TENT5D: variants seen among roughly 807,000 people sequenced by gnomAD.
The protein encoded by TENT5D is terminal nucleotidyltransferase 5D, also known as cancer/testis antigen 112.
For missense variants in TENT5D, 191 were observed against 287.0 expected (o/e 0.67, Z 2.42); for synonymous variants, 103 against 100.6 (o/e 1.02, Z -0.15).
chrX:80,358,232 T>C (rs1930329388), intron 3 of TENT5D, among the ~76,000 whole-genome samples: 1 of 111,053 alleles, frequency 9.0e-6, no homozygotes, highest in South Asian at 3.8e-4. Flanking sequence ...ACCTAGGCAA[T>C]ACCATTCAGG....
Position 80,385,768 on chromosome X carries a change from G to C in TENT5D, c.-142+43204G>C, listed in dbSNP as rs891630641. ...CCATCAACAAGTGGGTGAAGGATAT[G>C]AACAGACACTTCTCAAAAGAAGACA... On this transcript the variant is annotated intron_variant, in intron 3 of 4. Transcript: ENST00000538312. Among the ~76,000 whole-genome samples the C allele has an allele frequency of 8.0e-5, 9 of 112,226 alleles. No individual in the cohort carries two copies. In the Admixed American group the frequency reaches 8.5e-4, roughly 11 times the overall value.
Position 80,388,214 on chromosome X carries a change from G to A in TENT5D, c.-142+45650G>A, listed in dbSNP as rs1023057630. Among the ~76,000 whole-genome samples the A allele has an allele frequency of 4.5e-5, 5 of 110,831 alleles. No homozygotes were observed. The East Asian group carries it at 1.4e-3, about 32-fold the overall frequency. On this transcript the variant is annotated intron_variant, in intron 3 of 4. Coordinates refer to the TENT5D transcript ENST00000538312. ...ATCAGGGACCCAAAGAGCCTGCTTGGTGCTCTCCCACCAAGCTGTGGCCAA... is the reference window on the plus strand; with the variant it reads ...ATCAGGGACCCAAAGAGCCTGCTTGATGCTCTCCCACCAAGCTGTGGCCAA...
At chrX:80,351,973 G>C (rs1364522360) in intron 3 of TENT5D, among the ~76,000 whole-genome samples, 1 of 112,109 alleles carries the variant, frequency 8.9e-6, no homozygotes, top group Non-Finnish European at 1.9e-5. Flanking sequence ...ATCACTAGTG[G>C]AGGCTGCAGA....
chrX:80,354,784 T>TTTTTTG, intron 3 of TENT5D, among the ~76,000 whole-genome samples: 1 of 107,474 alleles, frequency 9.3e-6, no homozygotes, highest in East Asian at 3.1e-4. Context: ...TCTTGCGCTG[T>TTTTTTG]TTTTTGTTTT....
At chrX:80,438,550 T>C (rs1357696003) in intron 1 of TENT5D, 60 bp from the exon 2 acceptor site, 2 of 109,849 alleles carry the variant, frequency 1.8e-5, no homozygotes, top group Admixed American at 1.9e-4. Context: ...GGGGCATCAT[T>C]ATATTATTTG....
intron 3 of TENT5D, among the ~76,000 whole-genome samples, chrX:80,344,445 C>T (rs766332976): frequency 1.8e-5 from 2 of 110,446 alleles, no homozygotes; most frequent in South Asian, 3.9e-4. Flanking sequence ...CTTTTCTCTG[C>T]AAACTCACCA....
chrX:80,423,013 G>A (rs914758664), intron 1 of TENT5D, among the ~76,000 whole-genome samples: 1 of 112,138 alleles, frequency 8.9e-6, no homozygotes, highest in Non-Finnish European at 1.9e-5. Flanking sequence ...TTGCTTGAAA[G>A]CCTGTTGTAC....
chrX:80,376,889 C>T (rs1036616019), intron 3 of TENT5D, among the ~76,000 whole-genome samples: 3 of 111,188 alleles, frequency 2.7e-5, no homozygotes, highest in Non-Finnish European at 5.7e-5. Context: ...GATCATGATA[C>T]ATAGTTAATT....
At chrX:80,411,887 G>A (rs1931675579) in intron 3 of TENT5D, among the ~76,000 whole-genome samples, 1 of 111,764 alleles carries the variant, frequency 8.9e-6, no homozygotes, top group Non-Finnish European at 1.9e-5. Flanking sequence ...ACCATTCTGG[G>A]GTTTGGAGGA....
At chrX:80,351,948 C>T (rs1338348000) in intron 3 of TENT5D, among the ~76,000 whole-genome samples, 1 of 112,007 alleles carries the variant, frequency 8.9e-6, no homozygotes, top group Non-Finnish European at 1.9e-5. Context: ...TACTCTAGAC[C>T]CTATTTGCTT....
At chrX:80,421,997 C>T (rs12014743) in intron 1 of TENT5D, among the ~76,000 whole-genome samples, 10,643 of 109,233 alleles carry the variant, frequency 0.097, 520 homozygotes, top group African/African-American at 0.18. Context: ...ATTCATGGGG[C>T]AAGTCATTAT....
intron 3 of TENT5D, among the ~76,000 whole-genome samples, chrX:80,401,021 A>C (rs186694796): frequency 1.8e-5 from 2 of 112,111 alleles, no homozygotes; most frequent in Non-Finnish European, 1.9e-5. Flanking sequence ...TGGACATTAT[A>C]ACAATATTAT....
At chrX:80,443,785 A>G in exon 3 of TENT5D, 1 of 902,666 alleles carries the variant, frequency 1.1e-6, no homozygotes, top group Non-Finnish European at 1.5e-6. Flanking sequence ...TGTAAAATTC[A>G]AGATCTGTTT....
At chrX:80,377,323 T>A (rs1930750122) in intron 3 of TENT5D, among the ~76,000 whole-genome samples, 1 of 111,309 alleles carries the variant, frequency 9.0e-6, no homozygotes. Flanking sequence ...GCCATGTTGG[T>A]TTGCTGCACC....
chrX:80,436,172 T>G (rs1463069677), intron 1 of TENT5D, among the ~76,000 whole-genome samples: 1 of 111,029 alleles, frequency 9.0e-6, no homozygotes, highest in East Asian at 2.8e-4. Flanking sequence ...AGAATTACTT[T>G]AAGGTTATAT....
At chrX:80,421,941 C>T (rs971724741) in intron 1 of TENT5D, among the ~76,000 whole-genome samples, 2 of 109,179 alleles carry the variant, frequency 1.8e-5, no homozygotes, top group African/African-American at 6.7e-5. Flanking sequence ...ATTTGTGTGT[C>T]GGGGGGTGGG....
upstream of TENT5D, among the ~76,000 whole-genome samples, chrX:80,416,388 G>GT (rs61167456): frequency 0.046 from 4,460 of 96,461 alleles, 91 homozygotes; most frequent in Middle Eastern, 0.088. Flanking sequence ...ATGTTAGTTG[G>GT]TTTTTTTTTT....
rs981298791 is a variant in TENT5D at position 80,396,688 on chromosome X, C to T, written c.-141-41922C>T. On this transcript the variant is annotated intron_variant, in intron 3 of 4. Transcript: ENST00000538312. ...ATGTCTACCTCTTTCTACACAGACACGGCAACCATCCGATTTCTCAATCTT... is the reference window on the plus strand; with the variant it reads ...ATGTCTACCTCTTTCTACACAGACATGGCAACCATCCGATTTCTCAATCTT... Among the ~76,000 whole-genome samples, 15 of 105,818 alleles carry T rather than the reference C, an allele frequency of 1.4e-4. No individual in the cohort carries two copies. The East Asian group carries it at 4.3e-3, about 30-fold the overall frequency. 91.9% of individuals were successfully genotyped at this position (105,818 alleles called of 115,157 possible).
chrX:80,382,912 G>A (rs773229026), intron 3 of TENT5D, among the ~76,000 whole-genome samples: 25 of 112,168 alleles, frequency 2.2e-4, no homozygotes, highest in African/African-American at 7.8e-4. Flanking sequence ...GGCTTCCCTT[G>A]GCCAGGAAAG....
Sources: gnomAD v4.1 joint callset for allele counts (sites outside exome capture counted in the v4.1 genomes callset) on GRCh38, gnomAD v4.1.1 for gene constraint, MANE v1.5 for transcripts, NCBI Gene and HGNC (gene_info 2026-07-23, HGNC 2026-07-21) for gene names.